CMIP: variants seen among roughly 807,000 people sequenced by gnomAD.
CMIP encodes C-Maf-inducing protein.
In CMIP, 13 loss-of-function variants were observed where a neutral mutation model predicts 97.3. The observed-to-expected ratio is 0.13, with a 90% CI of 0.09 to 0.21. The LOEUF (loss-of-function observed/expected upper bound fraction) is 0.21. CMIP is among the 10% of genes least tolerant of loss of function. The pLI, the probability that CMIP is intolerant of heterozygous loss-of-function variation, is 1.00. For synonymous variants in CMIP, 538 were observed against 436.3 expected, an observed-to-expected ratio of 1.23 and a Z score of -2.91; for missense variants, 847 against 1,024.9, an observed-to-expected ratio of 0.83 and a Z score of 2.37.
Position 81,614,506 on chromosome 16 carries a change from AG to A in CMIP, c.427-6369del, listed in dbSNP as rs1446453878. On this transcript the variant is annotated intron_variant, in intron 2 of 20. Transcript: ENST00000537098. The surrounding 1 kb of genome is among the most constrained non-coding windows in gnomAD (Gnocchi z 5.3). ...AATGACACAAATGATGACCCCAGCA[AG>A]TCTGGGTGTGTGTGTGGTATATGCA... 5.3e-5 allele frequency among the ~76,000 whole-genome samples: 8 copies of A among 152,188 alleles called. No individual in the cohort carries two copies. The highest frequency in any genetic ancestry group is 8.8e-5 in the Non-Finnish European group (6 of 68,032).
chr16:81,654,881 A>G (rs1405056143), intron 4 of CMIP, among the ~76,000 whole-genome samples: 1 of 144,708 alleles, frequency 6.9e-6, no homozygotes, highest in Non-Finnish European at 1.5e-5. Context: ...AACTATGGAG[A>G]TGAAGAGTGA....
rs568423186 is a variant in CMIP at position 81,552,735 on chromosome 16, C to T, written c.301-54832C>T. On this transcript the variant is annotated intron_variant, in intron 1 of 20. Coordinates refer to ENST00000537098, the MANE Select transcript of CMIP (RefSeq NM_198390.3). Reference sequence around the variant, plus strand: ...CAGGTTCTGGGGATCAGGGCGAAGACATAGACATCTTTGGAGCTGCTCTTG... The same window carrying T: ...CAGGTTCTGGGGATCAGGGCGAAGATATAGACATCTTTGGAGCTGCTCTTG... 9.8e-5 allele frequency among the ~76,000 whole-genome samples: 15 copies of T among 152,346 alleles called. No homozygotes were observed. The South Asian group carries it at 2.9e-3, about 29-fold the overall frequency.
At chr16:81,596,035 C>CT (rs895614087) in intron 1 of CMIP, among the ~76,000 whole-genome samples, 9 of 151,700 alleles carry the variant, frequency 5.9e-5, no homozygotes, top group South Asian at 4.2e-4. Flanking sequence ...TCCCTCAACA[C>CT]TTTTTTTTTG....
intron 20 of CMIP, 90 bp downstream of exon 20, chr16:81,707,174 C>A: frequency 1.9e-6 from 2 of 1,038,296 alleles, no homozygotes; most frequent in Admixed American, 1.8e-5. Context: ...AGCTCGTTCT[C>A]CAGTAAAGGA....
intron 1 of CMIP, among the ~76,000 whole-genome samples, chr16:81,565,406 A>G (rs1378167201): frequency 1.3e-5 from 2 of 152,104 alleles, no homozygotes; most frequent in Admixed American, 6.5e-5. Flanking sequence ...CGGCACCTTC[A>G]TCCCTGCTCC....
intron 1 of CMIP, among the ~76,000 whole-genome samples, chr16:81,598,968 C>CAAAAAAAAAAAAAAAAAA (rs141717317): frequency 6.6e-4 from 33 of 49,850 alleles, no homozygotes; most frequent in African/African-American, 1.8e-3. Flanking sequence ...GACTCTGTCT[C>CAAAAAAAAAAAAAAAAAA]AAAAAAAAAA....
chr16:81,447,582 A>G (rs543097782), intron 1 of CMIP, among the ~76,000 whole-genome samples: 2 of 152,300 alleles, frequency 1.3e-5, no homozygotes, highest in Non-Finnish European at 2.9e-5. Context: ...GCACCTGTCT[A>G]GTACTGGGGA....
At chr16:81,558,232 A>G (rs539731800) in intron 1 of CMIP, among the ~76,000 whole-genome samples, 3 of 152,202 alleles carry the variant, frequency 2.0e-5, no homozygotes, top group African/African-American at 7.2e-5. Flanking sequence ...CGGCCGTTAG[A>G]GATAGTGCTG....
intron 1 of CMIP, chr16:81,533,816 C>G (rs2090288143): frequency 1.3e-5 from 2 of 152,262 alleles, no homozygotes; most frequent in Admixed American, 1.3e-4. Flanking sequence ...GCTGCACTAG[C>G]AGATCTGAGA....
chr16:81,459,338 G>A (rs2150736596), intron 1 of CMIP, among the ~76,000 whole-genome samples: 1 of 152,284 alleles, frequency 6.6e-6, no homozygotes, highest in South Asian at 2.1e-4. Flanking sequence ...TCTTGGGTGT[G>A]CCCGTGGCCC....
intron 1 of CMIP, among the ~76,000 whole-genome samples, chr16:81,574,875 C>T (rs2091162167): frequency 6.6e-6 from 1 of 152,184 alleles, no homozygotes; most frequent in Non-Finnish European, 1.5e-5. Context: ...AGGATTGTCC[C>T]CTGCGTATCC....
chr16:81,566,187 G>A (rs995449095), intron 1 of CMIP, among the ~76,000 whole-genome samples: 1 of 152,196 alleles, frequency 6.6e-6, no homozygotes, highest in Non-Finnish European at 1.5e-5. Context: ...AGGAGGGTGC[G>A]CCGGTGTGGC....
At chr16:81,675,179 G>A (rs1904288705) in intron 9 of CMIP, among the ~76,000 whole-genome samples, 1 of 152,054 alleles carries the variant, frequency 6.6e-6, no homozygotes, top group Non-Finnish European at 1.5e-5. Context: ...GGGTGAAGGT[G>A]CCATTCGTCA....
intron 10 of CMIP, among the ~76,000 whole-genome samples, chr16:81,680,931 C>T (rs916799483): frequency 4.6e-5 from 7 of 152,190 alleles, no homozygotes; most frequent in African/African-American, 1.2e-4. Context: ...AGTTTCAGCA[C>T]GCAGTTGACA....
intron 1 of CMIP, among the ~76,000 whole-genome samples, chr16:81,565,705 A>G (rs902852330): frequency 1.3e-5 from 2 of 152,100 alleles, no homozygotes; most frequent in Admixed American, 6.5e-5. Context: ...AGGGAGTGAC[A>G]CAAAGACAGC....
chr16:81,524,803 T>C lies in CMIP; in HGVS notation c.300+79262T>C, dbSNP rs560047271. Among the ~76,000 whole-genome samples, 6 of 151,882 alleles carry C rather than the reference T, an allele frequency of 4.0e-5. No individual in the cohort carries two copies. In the East Asian group the frequency reaches 9.7e-4, roughly 24 times the overall value. On this transcript the variant is annotated intron_variant, in intron 1 of 20. Coordinates refer to ENST00000537098, the MANE Select transcript of CMIP (RefSeq NM_198390.3). ...ATTTTTATTTCTTTTCTTTCTTTTTTTTTTTTTTGAGATGGAGTCTCATTC... is the reference window on the plus strand; with the variant it reads ...ATTTTTATTTCTTTTCTTTCTTTTTCTTTTTTTTGAGATGGAGTCTCATTC...
intron 1 of CMIP, among the ~76,000 whole-genome samples, chr16:81,484,775 G>A (rs1014649597): frequency 6.6e-6 from 1 of 152,106 alleles, no homozygotes; most frequent in African/African-American, 2.4e-5. Flanking sequence ...AACGAGTGTG[G>A]GGTTCACTCT....
chr16:81,693,085 G>T lies in CMIP; in HGVS notation c.1455-73G>T, dbSNP rs878909674. The T allele has an allele frequency of 9.8e-6, 11 of 1,124,196 alleles. No homozygotes were observed. The South Asian group carries it at 1.4e-4, about 14-fold the overall frequency. 69.6% of individuals were successfully genotyped at this position (1,124,196 alleles called of 1,614,324 possible). ...ACATAAAGTCTAGACGTCCCCAGAG[G>T]TTAATCTTGGGAACATTGTGCTGTT... is the stretch of plus-strand genomic sequence containing the variant. On this transcript the variant is annotated intron_variant, in intron 11 of 20. Coordinates refer to ENST00000537098, the MANE Select transcript of CMIP (RefSeq NM_198390.3).
chr16:81,660,489 G>A (rs2092533218), intron 5 of CMIP, among the ~76,000 whole-genome samples: 1 of 152,026 alleles, frequency 6.6e-6, no homozygotes, highest in Admixed American at 6.5e-5. Context: ...TGGCCAGGCT[G>A]GTCTCCAACT....
Sources: gnomAD v4.1 joint callset for allele counts (sites outside exome capture counted in the v4.1 genomes callset) on GRCh38, gnomAD v4.1.1 for gene constraint, Gnocchi (gnomAD v3.1) non-coding constraint, MANE v1.5 for transcripts, NCBI Gene and HGNC (gene_info 2026-07-23, HGNC 2026-07-21) for gene names.